Variants in SYT16 observed in about 807,000 individuals in gnomAD.
The protein encoded by SYT16 is synaptotagmin-16.
SYT16 carries 42 observed loss-of-function variants against 61.4 expected under a neutral mutation model. The observed-to-expected ratio is 0.68, with a 90% CI of 0.53 to 0.89. The LOEUF is 0.89. SYT16 is among the 40% of genes least tolerant of loss of function. The pLI, the probability that SYT16 is intolerant of heterozygous loss-of-function variation, is 0.00. For missense variants in SYT16, 804 were observed against 807.3 expected, an observed-to-expected ratio of 1.00 and a Z score of 0.05; for synonymous variants, 314 against 302.3, an observed-to-expected ratio of 1.04 and a Z score of -0.40.
At position 62,018,298 on chromosome 14, in the gene SYT16, C is replaced by CTTTTTTT. The variant is rs776473522; in HGVS notation, c.523+21778_523+21784dup. ...GGGTCTTTCTCTTCTTCTTCTTCTTCTTTTTTTTTTTTTTTTTTTTTTTTT... is the reference window on the plus strand; with the variant it reads ...GGGTCTTTCTCTTCTTCTTCTTCTTCTTTTTTTTTTTTTTTTTTTTTTTTTTTTTTTT... On this transcript the variant is annotated intron_variant, in intron 3 of 7. Transcript: ENST00000683842. Among the ~76,000 whole-genome samples the CTTTTTTT allele has an allele frequency of 5.1e-3, 261 of 51,650 alleles. 30 individuals are homozygous for CTTTTTTT. The highest frequency in any genetic ancestry group is 5.8e-3 in the Non-Finnish European group (175 of 30,202). 33.9% of individuals were successfully genotyped at this position (51,650 alleles called of 152,430 possible).
intron 1 of SYT16, among the ~76,000 whole-genome samples, chr14:61,823,177 G>A (rs1030898003): frequency 6.6e-6 from 1 of 151,982 alleles, no homozygotes; most frequent in Admixed American, 6.6e-5. Flanking sequence ...TATTTTTGTA[G>A]AGGCAGGATT....
chr14:61,882,587 A>G (rs2140321451), intron 1 of SYT16, among the ~76,000 whole-genome samples: 1 of 152,266 alleles, frequency 6.6e-6, no homozygotes, highest in Non-Finnish European at 1.5e-5. Context: ...AAACCAAACA[A>G]TATCATTCCT....
chr14:62,069,463 A>T (rs1566817155), intron 3 of SYT16, 140 bp from the exon 4 acceptor site: 1 of 820,048 alleles, frequency 1.2e-6, no homozygotes, highest in South Asian at 1.8e-5. Flanking sequence ...AGTGCTTTAA[A>T]TTTTTTTTCT....
chr14:61,857,735 A>G (rs1416039374), intron 1 of SYT16, among the ~76,000 whole-genome samples: 2 of 152,202 alleles, frequency 1.3e-5, no homozygotes, highest in African/African-American at 4.8e-5. Context: ...GAGAGAAAGA[A>G]TTGATGGAAC....
intron 1 of SYT16, among the ~76,000 whole-genome samples, chr14:61,826,717 CATT>C (rs765295927): frequency 1.3e-5 from 2 of 151,922 alleles, no homozygotes; most frequent in African/African-American, 2.4e-5. Flanking sequence ...AGACTTGCTG[CATT>C]GGTCAGCTGG....
rs945696383 is a variant in SYT16, at chr14:62,067,145, C to T, written c.524-2458C>T. Among the ~76,000 whole-genome samples, 9 of 152,144 alleles carry T rather than the reference C, an allele frequency of 5.9e-5. No homozygotes were observed. The South Asian group carries it at 1.9e-3, about 32-fold the overall frequency. On this transcript the variant is annotated intron_variant, in intron 3 of 7. Transcript: ENST00000683842. The stretch of plus-strand genomic sequence containing the variant: ...GTATGTGTGTGTGCATGGATATACA[C>T]TCAGGCTTAGGAGAACTCTGGGTAT...
At position 62,109,270 on chromosome 14, in the gene SYT16, G is replaced by A. The variant is rs1368622421; in HGVS notation, c.*8563G>A. The A allele has an allele frequency of 6.7e-6, 1 of 149,192 alleles. No homozygotes were observed. The highest frequency in any genetic ancestry group is 1.5e-5 in the Non-Finnish European group (1 of 67,668). The allele number at this position is 149,192 out of a possible 1,614,324, so 9.2% of individuals were successfully genotyped here. On this transcript the variant is annotated 3_prime_UTR_variant, in exon 8 of 8. Transcript: ENST00000683842. Reference sequence around the variant, plus strand: ...CCTTTTCCAGAATGTCATACAGTATGTAGCCTTTTCAGATTGGCTTTTTTT... The same window carrying A: ...CCTTTTCCAGAATGTCATACAGTATATAGCCTTTTCAGATTGGCTTTTTTT...
chr14:61,879,619 C>T (rs1241678659), intron 1 of SYT16, among the ~76,000 whole-genome samples: 6 of 152,160 alleles, frequency 3.9e-5, no homozygotes, highest in African/African-American at 1.4e-4. Context: ...CCTGTCCCAC[C>T]CTCCTGGCGG....
chr14:62,000,280 ATCT>A (rs1238214023), intron 3 of SYT16, among the ~76,000 whole-genome samples: 1 of 151,322 alleles, frequency 6.6e-6, no homozygotes, highest in East Asian at 1.9e-4. Context: ...AGAAATATGT[ATCT>A]TCTTGGTGAA....
intron 1 of SYT16, among the ~76,000 whole-genome samples, chr14:61,816,945 A>G (rs1317180889): frequency 6.7e-6 from 1 of 149,446 alleles, no homozygotes; most frequent in Non-Finnish European, 1.5e-5. Context: ...CGGAAGGTGG[A>G]GCTTGCAGTG....
intron 3 of SYT16, among the ~76,000 whole-genome samples, chr14:62,050,585 TC>T (rs1355638098): frequency 6.6e-6 from 1 of 152,158 alleles, no homozygotes; most frequent in East Asian, 1.9e-4. Context: ...GCTCCGTTTT[TC>T]CCCCATCTTT....
chr14:61,966,956 A>G (rs984152791), intron 1 of SYT16, among the ~76,000 whole-genome samples: 9 of 152,246 alleles, frequency 5.9e-5, no homozygotes, highest in Non-Finnish European at 1.2e-4. Flanking sequence ...TGAGAGTACA[A>G]TGAGTAACTC....
At chr14:61,932,929 T>C (rs778580475) in intron 1 of SYT16, among the ~76,000 whole-genome samples, 1 of 152,194 alleles carries the variant, frequency 6.6e-6, no homozygotes, top group Non-Finnish European at 1.5e-5. Flanking sequence ...TCCAGTATAG[T>C]TGTGACATGG....
In SYT16 at chr14:62,069,604, C is replaced by A. The variant is rs757870375; in HGVS notation, c.525C>A (p.Val175=). The A allele has an allele frequency of 7.1e-5, 115 of 1,613,576 alleles. No individual in the cohort carries two copies. The highest frequency in any genetic ancestry group is 8.8e-5 in the Non-Finnish European group (104 of 1,179,700). ...CTCATGGCTCTTGTTTACTCCCAGTCAACAGCTTTGGGGATGACGAAGAGC... is the reference window on the plus strand; with the variant it reads ...CTCATGGCTCTTGTTTACTCCCAGTAAACAGCTTTGGGGATGACGAAGAGC... ...TLETVNGKKQ[V]NSFGDDEELS... The change falls in exon 4 of 8, where the codon GTC becomes GTA. Residue 175 remains valine, a splice_region_variant and synonymous_variant. Coordinates refer to ENST00000683842, the MANE Select transcript of SYT16 (RefSeq NM_001367656.1).
At chr14:61,830,057 T>C (rs1418234877) in intron 1 of SYT16, among the ~76,000 whole-genome samples, 1 of 152,254 alleles carries the variant, frequency 6.6e-6, no homozygotes, top group African/African-American at 2.4e-5. Context: ...TATTGTATTT[T>C]TCAGTTCTAT....
intron 7 of SYT16, among the ~76,000 whole-genome samples, chr14:62,095,524 A>C (rs1323045556): frequency 1.3e-5 from 2 of 151,952 alleles, no homozygotes; most frequent in African/African-American, 4.8e-5. Context: ...GATACCAAAA[A>C]ATAATAAAAG....
intron 3 of SYT16, among the ~76,000 whole-genome samples, chr14:62,064,352 A>AG (rs1388115960): frequency 6.6e-6 from 1 of 150,618 alleles, no homozygotes; most frequent in Admixed American, 6.6e-5. Flanking sequence ...AAAAAAAAAA[A>AG]AAAAAAGAAA....
At chr14:61,988,127 G>A (rs541344930) in intron 2 of SYT16, among the ~76,000 whole-genome samples, 6 of 152,204 alleles carry the variant, frequency 3.9e-5, no homozygotes, top group East Asian at 3.9e-4. Flanking sequence ...GTAGATGTGC[G>A]CCCATGGCCC....
chr14:62,074,500 G>A (rs1229353469), intron 4 of SYT16, among the ~76,000 whole-genome samples: 4 of 152,182 alleles, frequency 2.6e-5, no homozygotes, highest in Non-Finnish European at 5.9e-5. Context: ...ATTTACGGAA[G>A]GCCTTGCTGG....
Sources: allele counts gnomAD v4.1 joint callset (sites outside exome capture counted in the v4.1 genomes callset), GRCh38; gene constraint gnomAD v4.1.1; transcripts MANE v1.5; gene names NCBI Gene and HGNC (gene_info 2026-07-23, HGNC 2026-07-21).